Variants in THEMIS observed in about 807,000 individuals in gnomAD.
THEMIS encodes the protein thymocyte selection associated.
THEMIS carries 37 observed loss-of-function variants against 52.6 expected under a neutral mutation model. The observed-to-expected ratio is 0.70, with a 90% CI of 0.54 to 0.93. The LOEUF is 0.93. Among genes scored for constraint, THEMIS ranks in the 40% least tolerant of loss-of-function variants. THEMIS has a pLI of 0.00. For missense variants in THEMIS, 808 were observed against 763.1 expected (o/e 1.06, Z -0.69); for synonymous variants, 292 against 272.7 (o/e 1.07, Z -0.70).
At chr6:127,797,594 A>T (rs1417147063) in intron 4 of THEMIS, among the ~76,000 whole-genome samples, 3 of 152,180 alleles carry the variant, frequency 2.0e-5, no homozygotes, top group Non-Finnish European at 4.4e-5. Context: ...TCCAACTCCT[A>T]CAGCTCATTG....
chr6:127,777,510 C>T (rs1268099171), intron 4 of THEMIS, among the ~76,000 whole-genome samples: 1 of 152,100 alleles, frequency 6.6e-6, no homozygotes, highest in African/African-American at 2.4e-5. Flanking sequence ...TGTCATATCA[C>T]TACATAGCCT....
intron 1 of THEMIS, among the ~76,000 whole-genome samples, chr6:127,867,794 A>G (rs1027130594): frequency 9.2e-5 from 14 of 152,124 alleles, no homozygotes; most frequent in Non-Finnish European, 1.6e-4. Flanking sequence ...TAAATTTTAC[A>G]TTGTCTTATC....
chr6:127,726,245 TG>T lies in THEMIS; in HGVS notation c.1759-6423del, dbSNP rs371717916. Reference sequence around the variant, plus strand: ...GTTGGTATCTACCCTGAACTTTTCTTGGGTCGGAGGACAGACAGTAGCCCTA... The same window carrying T: ...GTTGGTATCTACCCTGAACTTTTCTTGGTCGGAGGACAGACAGTAGCCCTA... On this transcript the variant is annotated intron_variant, in intron 4 of 5. Transcript: ENST00000368248. Among the ~76,000 whole-genome samples the T allele has an allele frequency of 4.3e-4, 65 of 152,236 alleles. No individual in the cohort carries two copies. In the East Asian group the frequency reaches 0.01, roughly 24 times the overall value.
chr6:127,824,869 G>C (rs756313478), intron 3 of THEMIS, among the ~76,000 whole-genome samples: 6 of 152,146 alleles, frequency 3.9e-5, no homozygotes, highest in Non-Finnish European at 5.9e-5. Context: ...AGCTTGCAGT[G>C]AGCGGAGATT....
At chr6:127,902,016 A>C (rs1419130217), upstream of THEMIS, among the ~76,000 whole-genome samples, 1 of 151,998 alleles carries the variant, frequency 6.6e-6, no homozygotes, top group Non-Finnish European at 1.5e-5. Flanking sequence ...AAGTCTCTTT[A>C]AGGTAAAGTA....
chr6:127,855,086 T>C lies in THEMIS; in HGVS notation c.194A>G (p.Glu65Gly). The part of the protein sequence containing the change: ...KVKKIIAEIC[E>G]QIEGCESLQP... ...TAGAGACTCACAACCTTCAATCTGC[T>C]CACAAATTTCAGCTATGATCTTCTT... Residue 65 changes from glutamate (E) to glycine (G), a missense_variant, in exon 2 of 6, where the codon GAG becomes GGG. Physicochemically the swap from Glu to Gly is moderately conservative, Grantham distance 98. Coordinates refer to ENST00000368248, the MANE Select transcript of THEMIS (RefSeq NM_001010923.3). 1 of 1,611,420 alleles carries C rather than the reference T, an allele frequency of 6.2e-7. No individual in the cohort carries two copies.
chr6:127,738,213 T>C (rs982132707), intron 4 of THEMIS, among the ~76,000 whole-genome samples: 2 of 152,168 alleles, frequency 1.3e-5, no homozygotes, highest in Admixed American at 6.5e-5. Context: ...TCAGTATAAA[T>C]TTAAGTAAAA....
intron 1 of THEMIS, among the ~76,000 whole-genome samples, chr6:127,911,336 C>T (rs567954808): frequency 1.3e-5 from 2 of 150,622 alleles, no homozygotes; most frequent in South Asian, 4.2e-4. Flanking sequence ...GGAGATATTT[C>T]TGTCTTCTCC....
At chr6:127,896,654 T>C (rs970815524) in intron 1 of THEMIS, among the ~76,000 whole-genome samples, 4 of 151,442 alleles carry the variant, frequency 2.6e-5, no homozygotes, top group African/African-American at 9.7e-5. Flanking sequence ...AGTGCTAAAC[T>C]TAAAGAGGAA....
the THEMIS span, among the ~76,000 whole-genome samples, chr6:127,702,736 C>T: frequency 6.6e-6 from 1 of 152,018 alleles, no homozygotes; most frequent in African/African-American, 2.4e-5. Flanking sequence ...ATTTACAGTT[C>T]CATGTGGCTG....
rs144686320 is a variant in THEMIS, at chr6:127,810,812, T to G, written c.1758+2071A>C. Among the ~76,000 whole-genome samples, 1,240 of 152,106 alleles carry G rather than the reference T, an allele frequency of 8.2e-3. 23 individuals are homozygous for G. Among genetic ancestry groups the G allele is most frequent in the African/African-American group, 0.027 (1,131 of 41,492 alleles). On this transcript the variant is annotated intron_variant, in intron 4 of 5. Coordinates refer to ENST00000368248, the MANE Select transcript of THEMIS (RefSeq NM_001010923.3). ...TAAATTTTGAGCCAAAGAGATTATC[T>G]TCTTCTCTAGGGATGAAAAAATGAG... is the stretch of plus-strand genomic sequence containing the variant.
chr6:127,901,105 G>A, upstream of THEMIS: 1 of 596,260 alleles, frequency 1.7e-6, no homozygotes, highest in South Asian at 2.0e-5. Flanking sequence ...ACAATGAAGA[G>A]GGAGGGGGGA....
chr6:127,891,908 T>C (rs1239365248), intron 1 of THEMIS, among the ~76,000 whole-genome samples: 1 of 152,176 alleles, frequency 6.6e-6, no homozygotes, highest in Non-Finnish European at 1.5e-5. Context: ...TTTCTCTTCC[T>C]CAAACAGACA....
intron 2 of THEMIS, among the ~76,000 whole-genome samples, chr6:127,853,016 A>C (rs1464871377): frequency 6.6e-6 from 1 of 151,706 alleles, no homozygotes; most frequent in Non-Finnish European, 1.5e-5. Context: ...TGTTTTCACT[A>C]TTCTAATAAG....
At chr6:127,724,126 C>T (rs1774457486) in intron 4 of THEMIS, among the ~76,000 whole-genome samples, 2 of 152,086 alleles carry the variant, frequency 1.3e-5, no homozygotes, top group Admixed American at 1.3e-4. Context: ...CCTAACAGTA[C>T]TGCTTACATT....
chr6:127,732,282 C>T (rs1473849701), intron 4 of THEMIS, among the ~76,000 whole-genome samples: 1 of 151,966 alleles, frequency 6.6e-6, no homozygotes, highest in Non-Finnish European at 1.5e-5. Flanking sequence ...TTTTGCCTTA[C>T]ATTTTGATGG....
At chr6:127,717,964 G>GT (rs1774229395) in intron 5 of THEMIS, among the ~76,000 whole-genome samples, 1 of 151,630 alleles carries the variant, frequency 6.6e-6, no homozygotes, top group South Asian at 2.1e-4. Context: ...TACCCATCCT[G>GT]AACTCAAAGA....
chr6:127,862,571 C>A (rs1022477145), intron 1 of THEMIS, among the ~76,000 whole-genome samples: 1 of 151,450 alleles, frequency 6.6e-6, no homozygotes, highest in African/African-American at 2.4e-5. Context: ...AGGCACTCAC[C>A]ACCACGCCCA....
intron 3 of THEMIS, among the ~76,000 whole-genome samples, chr6:127,820,866 A>G (rs1006634073): frequency 1.3e-5 from 2 of 152,046 alleles, no homozygotes; most frequent in East Asian, 3.8e-4. Flanking sequence ...ATAAAAACTC[A>G]TTATTTGCTT....
Sources: gnomAD v4.1 joint callset for allele counts (sites outside exome capture counted in the v4.1 genomes callset) on GRCh38, gnomAD v4.1.1 for gene constraint, MANE v1.5 for transcripts, NCBI Gene and HGNC (gene_info 2026-07-23, HGNC 2026-07-21) for gene names.